The following PIN4 variants were observed in gnomAD, a reference collection of about 807,000 sequenced individuals.
PIN4 encodes the protein peptidylprolyl cis/trans isomerase, NIMA-interacting 4.
PIN4 carries 3 observed loss-of-function variants against 8.3 expected under a neutral mutation model. The observed-to-expected ratio is 0.36, with a 90% CI of 0.16 to 0.93. The LOEUF (loss-of-function observed/expected upper bound fraction) is 0.93, where lower values mean the gene tolerates loss of function less well. Ranked by LOEUF, PIN4 falls within the 40% of genes least tolerant of loss-of-function variation. The pLI is 0.44. For synonymous variants in PIN4, 18 were observed against 32.5 expected (o/e 0.55, Z 1.52); for missense variants, 75 against 100.6 (o/e 0.75, Z 1.09).
chrX:72,244,832 G>A (rs1192838665), intron 3 of PIN4, among the ~76,000 whole-genome samples: 1 of 109,002 alleles, frequency 9.2e-6, no homozygotes, highest in Non-Finnish European at 1.9e-5. Context: ...TGTAATGCCA[G>A]CACTTTGGGA....
intron 2 of PIN4, among the ~76,000 whole-genome samples, chrX:72,195,593 A>G (rs1006520396): frequency 9.1e-6 from 1 of 110,443 alleles, no homozygotes; most frequent in African/African-American, 3.3e-5. Flanking sequence ...GTGAGCCAAG[A>G]TCGGGCCACT....
chrX:72,227,182 T>C (rs1331298471), intron 3 of PIN4, among the ~76,000 whole-genome samples: 1 of 111,773 alleles, frequency 8.9e-6, no homozygotes, highest in African/African-American at 3.3e-5. Context: ...AACCAACAAA[T>C]GGGCTTCTAC....
intron 3 of PIN4, chrX:72,205,350 G>C (rs1280116094): frequency 3.3e-6 from 4 of 1,210,371 alleles, no homozygotes; most frequent in Non-Finnish European, 3.4e-6. Flanking sequence ...CTGTATACTT[G>C]GAGGCTTCGC....
intron 3 of PIN4, among the ~76,000 whole-genome samples, chrX:72,210,202 AAAAT>A (rs58086876): frequency 0.1 from 9,783 of 97,063 alleles, 548 homozygotes; most frequent in East Asian, 0.31. Flanking sequence ...TGTCTCTTAA[AAAAT>A]AAATAAATAA....
chrX:72,218,023 C>T (rs1465355379), intron 3 of PIN4, among the ~76,000 whole-genome samples: 2 of 111,294 alleles, frequency 1.8e-5, no homozygotes, highest in African/African-American at 3.3e-5. Flanking sequence ...GTAATCCCAG[C>T]ACTTTGGAAG....
chrX:72,207,606 T>C (rs769595936), intron 3 of PIN4: 2 of 1,209,731 alleles, frequency 1.7e-6, no homozygotes, highest in Non-Finnish European at 2.2e-6. Flanking sequence ...TGATATGATC[T>C]AAAGACACAA....
At chrX:72,263,769 G>T (rs907931614) in exon 4 of PIN4, 5 of 111,561 alleles carry the variant, frequency 4.5e-5, no homozygotes, top group Non-Finnish European at 7.5e-5. Flanking sequence ...CATGTGAGGG[G>T]TACTGAGGTG....
At chrX:72,203,657 C>T (rs2042800537) in intron 3 of PIN4, among the ~76,000 whole-genome samples, 1 of 112,062 alleles carries the variant, frequency 8.9e-6, no homozygotes, top group Admixed American at 9.5e-5. Flanking sequence ...TATTCATTTA[C>T]ACAAGGTTAA....
At chrX:72,224,093 C>A (rs1399434690) in intron 3 of PIN4, among the ~76,000 whole-genome samples, 1 of 111,363 alleles carries the variant, frequency 9.0e-6, no homozygotes, top group Non-Finnish European at 1.9e-5. Context: ...TCCAGTGAGT[C>A]CATGGAACCC....
intron 2 of PIN4, among the ~76,000 whole-genome samples, chrX:72,190,938 G>A (rs181644719): frequency 4.9e-4 from 50 of 102,366 alleles, no homozygotes; most frequent in African/African-American, 1.8e-3. Flanking sequence ...GGGCAACAGA[G>A]CGAGACTCCA....
intron 2 of PIN4, among the ~76,000 whole-genome samples, chrX:72,193,055 C>G (rs192616246): frequency 2.7e-4 from 30 of 111,637 alleles, no homozygotes; most frequent in Admixed American, 1.6e-3. Context: ...GTCATCACTC[C>G]CAAACTCTTT....
At chrX:72,257,759 G>A (rs980811800) in intron 3 of PIN4, among the ~76,000 whole-genome samples, 1 of 111,685 alleles carries the variant, frequency 9.0e-6, no homozygotes, top group African/African-American at 3.3e-5. Context: ...GCCCTTCTTA[G>A]CTGTATGACC....
In PIN4 at chrX:72,220,402, C is replaced by T. The variant is rs142727176; in HGVS notation, c.312+23498C>T. On this transcript the variant is annotated intron_variant, in intron 3 of 3. Coordinates refer to the PIN4 transcript ENST00000423432. Reference sequence around the variant, plus strand: ...CAGGCCCCTCATTCAGCGGGAGCATCGGCATCTTGGACAAGCCCCACATTC... The same window carrying T: ...CAGGCCCCTCATTCAGCGGGAGCATTGGCATCTTGGACAAGCCCCACATTC... 3.6e-3 allele frequency among the ~76,000 whole-genome samples: 401 copies of T among 111,695 alleles called. 2 individuals are homozygous for T. The highest frequency in any genetic ancestry group is 0.013 in the African/African-American group (385 of 30,757).
chrX:72,203,226 A>T (rs911521833), downstream of PIN4, among the ~76,000 whole-genome samples: 1 of 110,410 alleles, frequency 9.1e-6, no homozygotes, highest in African/African-American at 3.3e-5. Flanking sequence ...TTAATGCACC[A>T]CCCCCATACC....
At chrX:72,195,726 C>T (rs1395547145) in intron 2 of PIN4, among the ~76,000 whole-genome samples, 3 of 111,903 alleles carry the variant, frequency 2.7e-5, no homozygotes, top group African/African-American at 3.3e-5. Context: ...TCAATGGTAG[C>T]TGCATTATCT....
intron 3 of PIN4, among the ~76,000 whole-genome samples, chrX:72,222,418 C>T: frequency 9.0e-6 from 1 of 111,240 alleles, no homozygotes; most frequent in South Asian, 3.8e-4. Flanking sequence ...ATCCAGTGGC[C>T]AATGATGCAG....
intron 3 of PIN4, chrX:72,206,446 C>G (rs779001189): frequency 8.3e-7 from 1 of 1,210,966 alleles, no homozygotes; most frequent in East Asian, 3.0e-5. Flanking sequence ...AATGACTACA[C>G]TTGCCATTTT....
chrX:72,255,903 G>A (rs905941052), intron 3 of PIN4: 1 of 111,358 alleles, frequency 9.0e-6, no homozygotes, highest in African/African-American at 3.3e-5. Context: ...TCCTAATTTG[G>A]TTCTGGAAAC....
chrX:72,188,088 A>G (rs6624608), intron 2 of PIN4, among the ~76,000 whole-genome samples: 27,844 of 110,400 alleles, frequency 0.25, 2,679 homozygotes, highest in East Asian at 0.5. Context: ...TGAGCATCCA[A>G]TCATGTGAAG....
Sources: gnomAD v4.1 joint callset for allele counts (sites outside exome capture counted in the v4.1 genomes callset) on GRCh38, gnomAD v4.1.1 for gene constraint, MANE v1.5 for transcripts, NCBI Gene and HGNC (gene_info 2026-07-23, HGNC 2026-07-21) for gene names.